The following SLC6A11 variants were observed in gnomAD, a reference collection of about 807,000 sequenced individuals.
SLC6A11 encodes the protein solute carrier family 6 member 11.
Under a neutral mutation model 74.8 loss-of-function variants are expected in SLC6A11, and 25 were observed. The observed-to-expected ratio is 0.33, with a 90% confidence interval of 0.24 to 0.47. The LOEUF is 0.47. Among genes scored for constraint, SLC6A11 ranks in the 20% least tolerant of loss-of-function variants. The probability of loss-of-function intolerance (pLI) is 1.00; values close to 1 mark genes in which losing one functional copy is unlikely to be tolerated. For missense variants in SLC6A11, 574 were observed against 837.0 expected, an observed-to-expected ratio of 0.69 and a Z score of 3.88; for synonymous variants, 330 against 330.2, an observed-to-expected ratio of 1.00 and a Z score of 0.01.
Position 10,918,238 on chromosome 3 carries a change from A to G in SLC6A11, c.996-91A>G. ...GCCTGCACTTCCCTGCCTGCCTCAC[A>G]GGACAGCCATGGTGCTCGGGTGGAG... On this transcript the variant is annotated intron_variant, in intron 7 of 13. Transcript: ENST00000254488. This position sits in a 1 kb window ranked among gnomAD's most constrained non-coding sequence, Gnocchi z 4.5. 2 of 1,399,438 alleles carry G rather than the reference A, an allele frequency of 1.4e-6. No homozygotes were observed. Among genetic ancestry groups the G allele is most frequent in the Non-Finnish European group, 1.9e-6 (2 of 1,062,164 alleles). The allele number at this position is 1,399,438 out of a possible 1,614,324, so 86.7% of individuals were successfully genotyped here.
chr3:10,911,482 T>G (rs1466918597), intron 6 of SLC6A11, among the ~76,000 whole-genome samples: 2 of 152,176 alleles, frequency 1.3e-5, no homozygotes, highest in African/African-American at 2.4e-5. Context: ...GGGGGGAGTC[T>G]GTTCTGAAAG....
chr3:10,927,301 G>C (rs563283867), intron 9 of SLC6A11, among the ~76,000 whole-genome samples: 1 of 152,172 alleles, frequency 6.6e-6, no homozygotes, highest in East Asian at 1.9e-4. Context: ...CTGGGGCCCC[G>C]GCTCGGCGAG....
At chr3:10,856,602 CA>C (rs1694641175) in intron 5 of SLC6A11, among the ~76,000 whole-genome samples, 1 of 152,164 alleles carries the variant, frequency 6.6e-6, no homozygotes, top group South Asian at 2.1e-4. Context: ...AGGTAGAACC[CA>C]AAACTGGTGC....
chr3:10,889,430 C>G (rs896408325), intron 6 of SLC6A11, among the ~76,000 whole-genome samples: 1 of 152,142 alleles, frequency 6.6e-6, no homozygotes, highest in African/African-American at 2.4e-5. Context: ...TTTTCCTGCC[C>G]TAGATATCCC....
intron 5 of SLC6A11, among the ~76,000 whole-genome samples, chr3:10,867,902 C>A (rs7614953): frequency 0.028 from 4,328 of 152,188 alleles, 208 homozygotes; most frequent in African/African-American, 0.099. Flanking sequence ...ATTTTATTTT[C>A]GTCACATTTA....
In SLC6A11 at chr3:10,816,248, G is replaced by C. The variant is rs1459440815; in HGVS notation, c.-18G>C. 10 of 1,306,432 alleles carry C rather than the reference G, an allele frequency of 7.7e-6. 1 individual carries two copies. Among genetic ancestry groups the C allele is most frequent in the South Asian group, 7.3e-5 (3 of 41,044 alleles). The allele number at this position is 1,306,432 out of a possible 1,614,324, so 80.9% of individuals were successfully genotyped here. A position where few individuals can be genotyped will look rare whatever the true frequency, so the allele number is the denominator to read the frequency against. On this transcript the variant is annotated 5_prime_UTR_variant, in exon 1 of 14. Transcript: ENST00000254488. The surrounding 1 kb of genome is among the most constrained non-coding windows in gnomAD (Gnocchi z 4.2). ...GCGGCGCAGAGCCGGGCCGGCGCAC[G>C]AGGCAGCCAGCGCGGCCATGACGGC...
At chr3:10,908,946 C>G (rs767025593) in intron 6 of SLC6A11, among the ~76,000 whole-genome samples, 5 of 152,016 alleles carry the variant, frequency 3.3e-5, no homozygotes, top group South Asian at 2.1e-4. Context: ...ATGAAATGTT[C>G]TAGGATAGGT....
chr3:10,867,335 T>C (rs1055376689), intron 5 of SLC6A11, among the ~76,000 whole-genome samples: 1 of 152,194 alleles, frequency 6.6e-6, no homozygotes, highest in Non-Finnish European at 1.5e-5. Context: ...CTTCCAGCAT[T>C]GTGACCTAGA....
intron 5 of SLC6A11, among the ~76,000 whole-genome samples, chr3:10,873,986 CGCTACGCTATGCTAT>C (rs1559567269): frequency 3.4e-5 from 4 of 117,210 alleles, no homozygotes; most frequent in African/African-American, 1.4e-4. Flanking sequence ...CGCTACGCTA[CGCTACGCTATGCTAT>C]GCTATGCTAT....
At chr3:10,929,914 C>T (rs1268552290) in intron 10 of SLC6A11, among the ~76,000 whole-genome samples, 2 of 152,140 alleles carry the variant, frequency 1.3e-5, no homozygotes, top group Non-Finnish European at 2.9e-5. Context: ...TTTTCTCCCC[C>T]ACCTCCCATA....
chr3:10,910,819 ATTT>A (rs67011478), intron 6 of SLC6A11, among the ~76,000 whole-genome samples: 50 of 126,360 alleles, frequency 4.0e-4, no homozygotes, highest in Admixed American at 1.1e-3. Flanking sequence ...GTTGCTGTGA[ATTT>A]TTTTTTTTTT....
At chr3:10,893,779 C>G (rs1575692399) in intron 6 of SLC6A11, among the ~76,000 whole-genome samples, 1 of 152,192 alleles carries the variant, frequency 6.6e-6, no homozygotes, top group South Asian at 2.1e-4. Flanking sequence ...TTCACTATGT[C>G]AGCTTCACCA....
intron 5 of SLC6A11, among the ~76,000 whole-genome samples, chr3:10,862,786 T>C (rs531475278): frequency 6.6e-6 from 1 of 152,366 alleles, no homozygotes; most frequent in South Asian, 2.1e-4. Flanking sequence ...TGAGGCCCTC[T>C]GCTGCCATCC....
chr3:10,925,275 A>G (rs1695588333), intron 8 of SLC6A11, among the ~76,000 whole-genome samples: 1 of 152,196 alleles, frequency 6.6e-6, no homozygotes, highest in Non-Finnish European at 1.5e-5. Context: ...AGTGCTTTCC[A>G]TTTATTGTGT....
chr3:10,896,397 C>T (rs1695172456), intron 6 of SLC6A11, among the ~76,000 whole-genome samples: 1 of 152,262 alleles, frequency 6.6e-6, no homozygotes, highest in Non-Finnish European at 1.5e-5. Flanking sequence ...AACCTAGTCT[C>T]ATTTTGTCTT....
chr3:10,851,026 C>T (rs1694568425), intron 5 of SLC6A11, among the ~76,000 whole-genome samples: 1 of 152,164 alleles, frequency 6.6e-6, no homozygotes, highest in African/African-American at 2.4e-5. Context: ...GGTGGTTGAC[C>T]CGGCCTTTGG....
chr3:10,879,965 T>C (rs1381103426), intron 6 of SLC6A11, among the ~76,000 whole-genome samples: 2 of 152,088 alleles, frequency 1.3e-5, no homozygotes, highest in Non-Finnish European at 2.9e-5. Flanking sequence ...TGATTAAAAG[T>C]GAGGCTAATT....
At chr3:10,898,782 T>C (rs896577545) in intron 6 of SLC6A11, among the ~76,000 whole-genome samples, 1 of 152,196 alleles carries the variant, frequency 6.6e-6, no homozygotes, top group African/African-American at 2.4e-5. Context: ...ACTTCCACAT[T>C]TTTGGGTATC....
chr3:10,846,867 C>A (rs903043259), intron 5 of SLC6A11, among the ~76,000 whole-genome samples: 1 of 152,250 alleles, frequency 6.6e-6, no homozygotes, highest in African/African-American at 2.4e-5. Context: ...CAACACTGAC[C>A]CCAGGCTACT....
Sources: allele counts gnomAD v4.1 joint callset (sites outside exome capture counted in the v4.1 genomes callset), GRCh38; gene constraint gnomAD v4.1.1; non-coding constraint Gnocchi (gnomAD v3.1); transcripts MANE v1.5; gene names NCBI Gene and HGNC (gene_info 2026-07-23, HGNC 2026-07-21).